The following PARP9 variants were observed in gnomAD, a reference collection of about 807,000 sequenced individuals.
PARP9 encodes the protein poly(ADP-ribose) polymerase family member 9.
Under a neutral mutation model 68.8 loss-of-function variants are expected in PARP9, and 48 were observed. The ratio of observed to expected loss-of-function variants is 0.70; its 90% CI spans 0.55 to 0.89. The LOEUF is 0.89. Ranked by LOEUF, PARP9 falls within the 40% of genes least tolerant of loss-of-function variation. The pLI, the probability that PARP9 is intolerant of heterozygous loss-of-function variation, is 0.00. For missense variants in PARP9, 806 were observed against 969.3 expected (o/e 0.83, Z 2.24); for synonymous variants, 309 against 333.8 (o/e 0.93, Z 0.81).
At position 122,536,730 on chromosome 3, in the gene PARP9, GTCCTGATGTCAT is replaced by G. The variant is rs1311259206; in HGVS notation, c.1905+192_1905+203del. The G allele has an allele frequency of 3.2e-4, 194 of 612,222 alleles. No individual in the cohort carries two copies. In the African/African-American group the frequency reaches 3.4e-3, roughly 11 times the overall value. The allele number at this position is 612,222 out of a possible 1,614,324, so 37.9% of individuals were successfully genotyped here. A position where few individuals can be genotyped will look rare whatever the true frequency, so the allele number is the denominator to read the frequency against. On this transcript the variant is annotated intron_variant, in intron 9 of 10. Transcript: ENST00000682323. Reference sequence around the variant, plus strand: ...GGATCTGGAATCCTTGCTTCTGTGTGTCCTGATGTCATTCCTACCTCCCGATTCCAACTATAT... The same window carrying G: ...GGATCTGGAATCCTTGCTTCTGTGTGTCCTACCTCCCGATTCCAACTATAT...
At chr3:122,534,127 A>C (rs2077482186) in intron 10 of PARP9, 1 of 915,328 alleles carries the variant, frequency 1.1e-6, no homozygotes. Flanking sequence ...CAGGTAAGAG[A>C]CCAAAATCTT....
At chr3:122,557,856 G>A (rs2079834874) in intron 3 of PARP9, among the ~76,000 whole-genome samples, 1 of 151,948 alleles carries the variant, frequency 6.6e-6, no homozygotes, top group Admixed American at 6.6e-5. Context: ...ACTAAACTGG[G>A]GCATACCATC....
chr3:122,563,034 C>T (rs188056684), intron 1 of PARP9, among the ~76,000 whole-genome samples: 2 of 152,272 alleles, frequency 1.3e-5, no homozygotes, highest in Admixed American at 6.5e-5. Flanking sequence ...ACAGTAAAGA[C>T]GGGCCCATTT....
intron 10 of PARP9, chr3:122,535,303 C>T (rs2077561674): frequency 3.0e-6 from 3 of 985,316 alleles, no homozygotes; most frequent in Non-Finnish European, 3.6e-6. Flanking sequence ...TCAACATTTA[C>T]CCCAAGTTTT....
At chr3:122,540,400 C>T (rs578029548) in intron 8 of PARP9, 72 bp downstream of exon 8, 14 of 1,544,496 alleles carry the variant, frequency 9.1e-6, no homozygotes, top group Non-Finnish European at 8.8e-7. Flanking sequence ...CACATCCATA[C>T]ATACACGCTC....
chr3:122,550,189 C>T (rs2079086322), intron 6 of PARP9, among the ~76,000 whole-genome samples: 1 of 152,170 alleles, frequency 6.6e-6, no homozygotes, highest in African/African-American at 2.4e-5. Flanking sequence ...AAGCTATTCT[C>T]TTGCCTCAGC....
At chr3:122,545,625 C>T (rs545653976) in intron 6 of PARP9, 136 bp from the exon 7 acceptor site, 1 of 791,328 alleles carries the variant, frequency 1.3e-6, no homozygotes, top group South Asian at 1.5e-5. Context: ...AAATCTAAAG[C>T]AGCCTTTAGG....
intron 8 of PARP9, among the ~76,000 whole-genome samples, chr3:122,539,295 C>T (rs1300956175): frequency 2.6e-5 from 4 of 152,164 alleles, no homozygotes; most frequent in South Asian, 2.1e-4. Context: ...GGTGCCTCTC[C>T]GCAGTGCTCC....
At chr3:122,543,961 A>G (rs1335831085) in intron 7 of PARP9, among the ~76,000 whole-genome samples, 1 of 152,250 alleles carries the variant, frequency 6.6e-6, no homozygotes, top group African/African-American at 2.4e-5. Flanking sequence ...ATTCCTTTAC[A>G]GATGTCCGCA....
At chr3:122,559,307 T>C (rs2079989205) in intron 2 of PARP9, among the ~76,000 whole-genome samples, 1 of 152,236 alleles carries the variant, frequency 6.6e-6, no homozygotes. Flanking sequence ...ATTCCCTTCT[T>C]TTCATTCATC....
At chr3:122,538,299 A>G (rs1576388226) in intron 8 of PARP9, among the ~76,000 whole-genome samples, 1 of 152,184 alleles carries the variant, frequency 6.6e-6, no homozygotes, top group East Asian at 1.9e-4. Flanking sequence ...GGCACTGGGG[A>G]CCCAAAGATC....
rs1239737751 is a variant in PARP9, at chr3:122,528,567, C to T, written c.2257G>A (p.Ala753Thr). The stretch of plus-strand genomic sequence containing the variant: ...ACCACACTGTCATGACCATCTATAG[C>T]TCCAGGACTCAGTGGTGGGGGAACA... ...NIVPPPLSPG[A>T]IDGHDSVVDN... Residue 753 changes from alanine to threonine, a missense_variant, in exon 11 of 11, where the codon GCT (alanine) becomes ACT (threonine). Physicochemically the swap from Ala to Thr is moderately conservative, Grantham distance 58 (BLOSUM62 0). Transcript: ENST00000682323. 6.2e-7 allele frequency: 1 copy of T among 1,614,156 alleles called. No homozygotes were observed. The highest frequency in any genetic ancestry group is 1.7e-5 in the Admixed American group (1 of 60,016).
chr3:122,558,922 C>T (rs1213382379), intron 2 of PARP9, among the ~76,000 whole-genome samples: 1 of 152,236 alleles, frequency 6.6e-6, no homozygotes, highest in South Asian at 2.1e-4. Flanking sequence ...GCTATGTTGA[C>T]CAGGCTGGTC....
intron 8 of PARP9, 52 bp from the exon 9 acceptor site, chr3:122,537,125 AAGAAATTTAATGAAACAAATTCT>A (rs1245499765): frequency 6.6e-7 from 1 of 1,517,602 alleles, no homozygotes. Flanking sequence ...GAGAGGAGAA[AAGAAATTTAATGAAACAAATTCT>A]AGAAATTTAG....
At chr3:122,548,536 T>G (rs1461313571) in intron 6 of PARP9, among the ~76,000 whole-genome samples, 1 of 152,242 alleles carries the variant, frequency 6.6e-6, no homozygotes, top group Non-Finnish European at 1.5e-5. Context: ...CATTAAAGTC[T>G]TTCTCGAAAA....
In PARP9 at chr3:122,540,607, G is replaced by T; in HGVS notation, c.1630C>A (p.Pro544Thr). The T allele has an allele frequency of 1.2e-6, 2 of 1,614,066 alleles. No individual in the cohort carries two copies. Among genetic ancestry groups the T allele is most frequent in the Non-Finnish European group, 8.5e-7 (1 of 1,180,024 alleles). Residue 544 changes from proline (P) to threonine (T), a missense_variant, in exon 8 of 11, where the codon CCA becomes ACA. Pro to Thr is a conservative substitution (Grantham distance 38). Around this residue, in one of 2 missense-constraint regions of PARP9, gnomAD observed 680 missense variants for 858.8 expected, o/e 0.79. Coordinates refer to ENST00000682323, the MANE Select transcript of PARP9 (RefSeq NM_001146105.2). ...SSVSITEIIS[P>T]GRTELEIEGA... ...TCAATCTCTAACTCTGTCCTTCCTGGGCTGATAATTTCTGTGATGGAGACA... is the reference window on the plus strand; with the variant it reads ...TCAATCTCTAACTCTGTCCTTCCTGTGCTGATAATTTCTGTGATGGAGACA...
chr3:122,546,416 C>T (rs1276015468), intron 6 of PARP9, among the ~76,000 whole-genome samples: 3 of 152,184 alleles, frequency 2.0e-5, no homozygotes, highest in East Asian at 1.9e-4. Context: ...ATAAAGTAGG[C>T]TTGCGTTAGA....
intron 10 of PARP9, chr3:122,535,806 A>C (rs1204625943): frequency 9.6e-5 from 104 of 1,087,416 alleles, no homozygotes; most frequent in Non-Finnish European, 1.2e-4. Flanking sequence ...AGGACGGTTC[A>C]GTGCTGTTGG....
chr3:122,535,032 G>T, intron 10 of PARP9: 1 of 980,154 alleles, frequency 1.0e-6, no homozygotes, highest in Non-Finnish European at 1.2e-6. Flanking sequence ...GCAAGTAGCA[G>T]AGTCTGTCAC....
Sources: gnomAD v4.1 joint callset for allele counts (sites outside exome capture counted in the v4.1 genomes callset) on GRCh38, gnomAD v4.1.1 for gene constraint, gnomAD v4.1.1 regional missense constraint, MANE v1.5 for transcripts, NCBI Gene and HGNC (gene_info 2026-07-23, HGNC 2026-07-21) for gene names.